Variants in STK38L observed in about 807,000 individuals in gnomAD.
STK38L encodes the protein serine/threonine-protein kinase 38-like.
A neutral mutation model predicts 59.7 loss-of-function variants in STK38L; 28 were observed. The observed-to-expected ratio is 0.47, with a 90% confidence interval of 0.35 to 0.64. STK38L has a LOEUF of 0.64. Among genes scored for constraint, STK38L ranks in the 30% least tolerant of loss-of-function variants. STK38L has a pLI of 0.01. For missense variants in STK38L, 314 were observed against 555.8 expected (o/e 0.56, Z 4.37); for synonymous variants, 162 against 176.8 (o/e 0.92, Z 0.66).
At chr12:27,260,001 A>G (rs1011394020) in intron 1 of STK38L, among the ~76,000 whole-genome samples, 1 of 152,166 alleles carries the variant, frequency 6.6e-6, no homozygotes, top group East Asian at 1.9e-4. Flanking sequence ...TCTTATATCA[A>G]GTTTTAATCT....
Position 27,322,422 on chromosome 12 carries a change from T to A in STK38L, c.1362T>A (p.Ser454=). The change falls in exon 14 of 14, where the codon TCT becomes TCA. Residue 454 remains serine (S), a synonymous_variant. Coordinates refer to ENST00000389032, the MANE Select transcript of STK38L (RefSeq NM_015000.4). Reference sequence around the variant, plus strand: ...TTGAAGGGTTGACTCAACGTGGCTCTATCCCCACCTACATGAAAGCTGGGA... The same window carrying A: ...TTGAAGGGTTGACTCAACGTGGCTCAATCCCCACCTACATGAAAGCTGGGA... ...KRFEGLTQRG[S]IPTYMKAGKL 1 of 1,613,754 alleles carries A rather than the reference T, an allele frequency of 6.2e-7. No homozygotes were observed. Among genetic ancestry groups the A allele is most frequent in the Non-Finnish European group, 8.5e-7 (1 of 1,179,862 alleles).
Position 27,322,527 on chromosome 12 carries a change from A to C in STK38L, c.*72A>C. On this transcript the variant is annotated 3_prime_UTR_variant, in exon 14 of 14. Transcript: ENST00000389032. ...TCACCAGGCTTGCTTGGCGTAGATA[A>C]CAATACACTGAAATACTCCTGAAGA... The C allele has an allele frequency of 6.4e-7, 1 of 1,555,828 alleles. No individual in the cohort carries two copies. Among genetic ancestry groups the C allele is most frequent in the South Asian group, 1.2e-5 (1 of 81,184 alleles).
At chr12:27,256,909 G>A (rs1302624187) in intron 1 of STK38L, among the ~76,000 whole-genome samples, 1 of 152,068 alleles carries the variant, frequency 6.6e-6, no homozygotes. Context: ...AAAATATGTG[G>A]TTCCGTTTTA....
intron 2 of STK38L, among the ~76,000 whole-genome samples, chr12:27,300,084 G>A (rs1431809604): frequency 6.6e-6 from 1 of 151,884 alleles, no homozygotes; most frequent in Non-Finnish European, 1.5e-5. Flanking sequence ...AAGTAATTCA[G>A]TTTGCTTTCT....
intron 1 of STK38L, among the ~76,000 whole-genome samples, chr12:27,252,598 C>T (rs1026471051): frequency 9.9e-5 from 15 of 152,170 alleles, no homozygotes; most frequent in Admixed American, 4.6e-4. Flanking sequence ...TAGGGAGTTG[C>T]CCTTTGTTGT....
chr12:27,325,183 A>G lies in STK38L; in HGVS notation c.*2728A>G, dbSNP rs1272370847. On this transcript the variant is annotated 3_prime_UTR_variant, in exon 14 of 14. Coordinates refer to ENST00000389032, the MANE Select transcript of STK38L (RefSeq NM_015000.4). Reference sequence around the variant, plus strand: ...AGCATTGTGCTGTCTGAAAATAAGGAATTGCTTATAAACCAGCCACTTCTG... The same window carrying G: ...AGCATTGTGCTGTCTGAAAATAAGGGATTGCTTATAAACCAGCCACTTCTG... The G allele has an allele frequency of 6.6e-6, 1 of 152,156 alleles. No homozygotes were observed. Among genetic ancestry groups the G allele is most frequent in the Non-Finnish European group, 1.5e-5 (1 of 67,988 alleles). 9.4% of individuals were successfully genotyped at this position (152,156 alleles called of 1,614,324 possible). A position where few individuals can be genotyped will look rare whatever the true frequency, so the allele number is the denominator to read the frequency against.
chr12:27,247,835 G>A (rs1392975237), intron 1 of STK38L, among the ~76,000 whole-genome samples: 2 of 64,322 alleles, frequency 3.1e-5, no homozygotes, highest in Non-Finnish European at 6.0e-5. Flanking sequence ...TTTTTTTTTT[G>A]ACAGAGTTTA....
At chr12:27,256,175 G>T (rs1199936975) in intron 1 of STK38L, among the ~76,000 whole-genome samples, 1 of 152,168 alleles carries the variant, frequency 6.6e-6, no homozygotes, top group African/African-American at 2.4e-5. Flanking sequence ...CCTGCTACCA[G>T]TCTTGCCTTC....
intron 8 of STK38L, 73 bp downstream of exon 8, chr12:27,315,190 C>T (rs1565555418): frequency 1.3e-6 from 2 of 1,569,648 alleles, no homozygotes; most frequent in African/African-American, 2.7e-5. Flanking sequence ...CTTTCCCTTT[C>T]CCCACTCCTT....
chr12:27,280,862 G>A (rs1943639221), intron 1 of STK38L, among the ~76,000 whole-genome samples: 1 of 152,196 alleles, frequency 6.6e-6, no homozygotes, highest in Non-Finnish European at 1.5e-5. Context: ...TGGGCAAGAA[G>A]GGCAGTTTGA....
intron 1 of STK38L, among the ~76,000 whole-genome samples, chr12:27,277,442 G>A (rs1434594864): frequency 2.6e-5 from 4 of 151,484 alleles, no homozygotes; most frequent in Non-Finnish European, 4.4e-5. Flanking sequence ...GGACTCGAAG[G>A]AACCTCAAAG....
rs1399256173 is a variant in STK38L at position 27,323,688 on chromosome 12, G to A, written c.*1233G>A. 6.6e-6 allele frequency: 1 copy of A among 152,514 alleles called. No homozygotes were observed. The highest frequency in any genetic ancestry group is 1.5e-5 in the Non-Finnish European group (1 of 67,986). The allele number at this position is 152,514 out of a possible 1,614,324, so 9.4% of individuals were successfully genotyped here. ...TGTTCTTGTTTAGCTACATCACTGTGGTGAATATAGATGGAATTAAGGAAG... is the reference window on the plus strand; with the variant it reads ...TGTTCTTGTTTAGCTACATCACTGTAGTGAATATAGATGGAATTAAGGAAG... On this transcript the variant is annotated 3_prime_UTR_variant, in exon 14 of 14. Transcript: ENST00000389032.
intron 1 of STK38L, among the ~76,000 whole-genome samples, chr12:27,289,234 T>C (rs756565533): frequency 2.0e-5 from 3 of 152,202 alleles, no homozygotes; most frequent in Non-Finnish European, 4.4e-5. Context: ...GACAGGGTGA[T>C]AGTTTATCTA....
intron 1 of STK38L, among the ~76,000 whole-genome samples, chr12:27,286,561 C>T (rs1305076134): frequency 6.6e-6 from 1 of 151,952 alleles, no homozygotes; most frequent in Non-Finnish European, 1.5e-5. Flanking sequence ...TTTATACTAT[C>T]ATCATTCCAT....
intron 2 of STK38L, among the ~76,000 whole-genome samples, chr12:27,301,916 T>C (rs1944183472): frequency 2.0e-5 from 3 of 152,168 alleles, no homozygotes; most frequent in Non-Finnish European, 1.5e-5. Flanking sequence ...AAGTAAGCCT[T>C]AGAAGTAAAT....
At chr12:27,245,475 G>T (rs1244171220) in intron 1 of STK38L, among the ~76,000 whole-genome samples, 1 of 152,078 alleles carries the variant, frequency 6.6e-6, no homozygotes, top group Non-Finnish European at 1.5e-5. Context: ...TTAAGGCAGG[G>T]CCTATTGTAC....
intron 3 of STK38L, among the ~76,000 whole-genome samples, chr12:27,306,774 G>A (rs184790499): frequency 1.3e-3 from 152 of 117,984 alleles, no homozygotes; most frequent in African/African-American, 4.0e-3. Context: ...ATGGAGTTTC[G>A]GTCTTGTCAC....
intron 1 of STK38L, among the ~76,000 whole-genome samples, chr12:27,268,306 C>T (rs1490265770): frequency 1.3e-5 from 2 of 151,366 alleles, no homozygotes; most frequent in African/African-American, 2.4e-5. Flanking sequence ...GTGTGATGTT[C>T]CCCGTCCTGT....
At chr12:27,277,752 A>G (rs935527708) in intron 1 of STK38L, among the ~76,000 whole-genome samples, 1 of 152,106 alleles carries the variant, frequency 6.6e-6, no homozygotes, top group Non-Finnish European at 1.5e-5. Flanking sequence ...GCTCCTTGGA[A>G]GGGGATATAG....
Sources: gnomAD v4.1 joint callset for allele counts (sites outside exome capture counted in the v4.1 genomes callset) on GRCh38, gnomAD v4.1.1 for gene constraint, MANE v1.5 for transcripts, NCBI Gene and HGNC (gene_info 2026-07-23, HGNC 2026-07-21) for gene names.